PTPRN2: variants seen among roughly 807,000 people sequenced by gnomAD.
PTPRN2 encodes the protein receptor-type tyrosine-protein phosphatase N2.
In PTPRN2, 74 loss-of-function variants were observed where a neutral mutation model predicts 118.8. The observed-to-expected ratio is 0.62, with a 90% CI of 0.52 to 0.76. The LOEUF is 0.76. Among genes scored for constraint, PTPRN2 ranks in the 30% least tolerant of loss-of-function variants. PTPRN2 has a pLI of 0.00. For missense variants in PTPRN2, 1,481 were observed against 1,394.4 expected, an observed-to-expected ratio of 1.06 and a Z score of -0.99; for synonymous variants, 641 against 608.0, an observed-to-expected ratio of 1.05 and a Z score of -0.80.
chr7:157,928,504 A>G (rs1277018778), intron 11 of PTPRN2, among the ~76,000 whole-genome samples: 1 of 152,110 alleles, frequency 6.6e-6, no homozygotes, highest in East Asian at 1.9e-4. Context: ...TGGCTCCCCC[A>G]GGTCCACTGT....
chr7:157,827,540 C>G (rs529132381), intron 12 of PTPRN2, among the ~76,000 whole-genome samples: 1 of 152,228 alleles, frequency 6.6e-6, no homozygotes. Context: ...TGAGGCGTGA[C>G]GTCCTCCATT....
intron 14 of PTPRN2, among the ~76,000 whole-genome samples, chr7:157,639,355 A>G (rs1804531535): frequency 1.3e-5 from 2 of 152,110 alleles, no homozygotes; most frequent in African/African-American, 2.4e-5. Context: ...TATTAGGGAG[A>G]ACACACAGTT....
At chr7:157,634,866 C>T (rs570147011) in intron 14 of PTPRN2, among the ~76,000 whole-genome samples, 11 of 152,364 alleles carry the variant, frequency 7.2e-5, no homozygotes, top group African/African-American at 2.6e-4. Flanking sequence ...TGCACATCTG[C>T]AGTGGACGTG....
At chr7:157,942,508 G>T (rs1010896596) in intron 11 of PTPRN2, among the ~76,000 whole-genome samples, 3 of 152,096 alleles carry the variant, frequency 2.0e-5, no homozygotes, top group Admixed American at 2.0e-4. Context: ...AATACTCTTG[G>T]GAAGTATGCA....
At chr7:158,527,375 G>A (rs1019833261) in intron 1 of PTPRN2, among the ~76,000 whole-genome samples, 60 of 152,292 alleles carry the variant, frequency 3.9e-4, no homozygotes, top group Admixed American at 3.7e-3. Context: ...CTGCGTCTCC[G>A]TGTCCAGTCC....
chr7:158,389,257 A>G (rs1424483023), intron 2 of PTPRN2, among the ~76,000 whole-genome samples: 1 of 152,252 alleles, frequency 6.6e-6, no homozygotes, highest in Non-Finnish European at 1.5e-5. Context: ...CTGTACATAA[A>G]GTTGTTTTTA....
chr7:157,620,310 G>A (rs190323791), intron 15 of PTPRN2, among the ~76,000 whole-genome samples: 7 of 152,306 alleles, frequency 4.6e-5, no homozygotes, highest in African/African-American at 1.7e-4. Context: ...CATCTTGTAA[G>A]CAGCTTAGTG....
At chr7:157,640,892 A>C (rs1399968934) in intron 14 of PTPRN2, among the ~76,000 whole-genome samples, 1 of 152,272 alleles carries the variant, frequency 6.6e-6, no homozygotes, top group Non-Finnish European at 1.5e-5. Context: ...AAAGACTGAA[A>C]GAAGGATATC....
chr7:157,800,514 G>A (rs1408023467), intron 12 of PTPRN2, among the ~76,000 whole-genome samples: 1 of 152,178 alleles, frequency 6.6e-6, no homozygotes, highest in African/African-American at 2.4e-5. Flanking sequence ...CCAGGCCGCC[G>A]CACTCCTCCT....
At chr7:157,798,729 T>A (rs756708214) in intron 12 of PTPRN2, among the ~76,000 whole-genome samples, 6 of 152,232 alleles carry the variant, frequency 3.9e-5, no homozygotes, top group Non-Finnish European at 7.3e-5. Flanking sequence ...TTTTTGCCTA[T>A]TGATGTGAAA....
chr7:158,556,832 G>A (rs1563431140), intron 1 of PTPRN2, among the ~76,000 whole-genome samples: 1 of 140,688 alleles, frequency 7.1e-6, no homozygotes, highest in Non-Finnish European at 1.5e-5. Context: ...ACGCAGGTCA[G>A]GCAGCTCCCG....
At chr7:158,301,287 T>C (rs1800869772) in intron 3 of PTPRN2, among the ~76,000 whole-genome samples, 1 of 152,106 alleles carries the variant, frequency 6.6e-6, no homozygotes, top group Non-Finnish European at 1.5e-5. Flanking sequence ...CACGACCAAC[T>C]CAGCTGTCCC....
At chr7:158,329,995 C>G (rs1469778364) in intron 2 of PTPRN2, among the ~76,000 whole-genome samples, 1 of 152,094 alleles carries the variant, frequency 6.6e-6, no homozygotes, top group Non-Finnish European at 1.5e-5. Context: ...CTCACGCCCG[C>G]AGACGACACT....
intron 11 of PTPRN2, among the ~76,000 whole-genome samples, chr7:158,059,170 A>G (rs867416787): frequency 5.6e-4 from 40 of 71,282 alleles, no homozygotes; most frequent in African/African-American, 2.0e-3. Flanking sequence ...CTCCATCTGC[A>G]CACGGTGACA....
intron 21 of PTPRN2, among the ~76,000 whole-genome samples, chr7:157,568,187 C>A (rs1799579415): frequency 6.6e-6 from 1 of 152,174 alleles, no homozygotes; most frequent in African/African-American, 2.4e-5. Context: ...TCTGCTTTTC[C>A]ACGCTGCTGC....
chr7:157,826,713 G>A (rs915016920), intron 12 of PTPRN2, among the ~76,000 whole-genome samples: 2 of 152,134 alleles, frequency 1.3e-5, no homozygotes, highest in South Asian at 2.1e-4. Context: ...GGAGCCTGGC[G>A]GGGACTTGGG....
rs1224540846 is a variant in PTPRN2, at chr7:158,529,359, T to C, written c.113-39574A>G. Reference sequence around the variant, plus strand: ...GTGCTGACACGCCCCAGAGCAAGCATTGGCTGTGTCGGCAGAGGAAGGTGG... The same window carrying C: ...GTGCTGACACGCCCCAGAGCAAGCACTGGCTGTGTCGGCAGAGGAAGGTGG... On this transcript the variant is annotated intron_variant, in intron 1 of 22. Coordinates refer to ENST00000389418, the MANE Select transcript of PTPRN2 (RefSeq NM_002847.5). This position sits in a 1 kb window ranked among gnomAD's most constrained non-coding sequence, Gnocchi z 4.7. 6.6e-6 allele frequency among the ~76,000 whole-genome samples: 1 copy of C among 152,196 alleles called. No homozygotes were observed. The highest frequency in any genetic ancestry group is 2.4e-5 in the African/African-American group (1 of 41,446).
At chr7:157,551,561 C>T (rs1411139837) in intron 21 of PTPRN2, among the ~76,000 whole-genome samples, 8 of 146,968 alleles carry the variant, frequency 5.4e-5, no homozygotes, top group Non-Finnish European at 7.5e-5. Context: ...ACACACCCCA[C>T]GCACCCCACA....
chr7:158,286,710 C>T (rs1208750099), intron 3 of PTPRN2, among the ~76,000 whole-genome samples: 2 of 152,244 alleles, frequency 1.3e-5, no homozygotes, highest in East Asian at 1.9e-4. Flanking sequence ...CCCAGTTGAT[C>T]GTGGTGAATG....
Sources: gnomAD v4.1 joint callset for allele counts (sites outside exome capture counted in the v4.1 genomes callset) on GRCh38, gnomAD v4.1.1 for gene constraint, Gnocchi (gnomAD v3.1) non-coding constraint, MANE v1.5 for transcripts, NCBI Gene and HGNC (gene_info 2026-07-23, HGNC 2026-07-21) for gene names.